RBFOX1: variants seen among roughly 807,000 people sequenced by gnomAD.
RBFOX1 encodes the protein RNA binding protein fox-1 homolog 1.
A neutral mutation model predicts 57.7 loss-of-function variants in RBFOX1; 8 were observed. The ratio of observed to expected loss-of-function variants is 0.14; its 90% CI spans 0.08 to 0.25. RBFOX1 has a LOEUF of 0.25. Ranked by LOEUF, RBFOX1 falls within the 10% of genes least tolerant of loss-of-function variation. RBFOX1 has a pLI of 1.00. For synonymous variants in RBFOX1, 326 were observed against 222.4 expected (o/e 1.47, Z -4.15); for missense variants, 611 against 548.5 (o/e 1.11, Z -1.14).
intron 4 of RBFOX1, among the ~76,000 whole-genome samples, chr16:7,277,674 A>T (rs1401109933): frequency 6.6e-6 from 1 of 152,202 alleles, no homozygotes; most frequent in East Asian, 1.9e-4. Context: ...AGAGAAGTCT[A>T]CCAGGGCGGA....
At position 7,278,846 on chromosome 16, in the gene RBFOX1, G is replaced by T. The variant is rs1004497544; in HGVS notation, c.27+226748G>T. On this transcript the variant is annotated intron_variant, in intron 4 of 15. Coordinates refer to ENST00000550418, the MANE Select transcript of RBFOX1 (RefSeq NM_018723.4). The stretch of plus-strand genomic sequence containing the variant: ...CCAATGAATTATGGAGCTGGGCCAA[G>T]GCTGTCTTGTTCTCAGCCTAAATTT... Among the ~76,000 whole-genome samples the T allele has an allele frequency of 2.0e-5, 3 of 152,180 alleles. No individual in the cohort carries two copies. The East Asian group carries it at 5.8e-4, about 29-fold the overall frequency.
intron 14 of RBFOX1, among the ~76,000 whole-genome samples, chr16:7,680,979 A>G (rs1446698509): frequency 1.3e-5 from 2 of 152,120 alleles, no homozygotes; most frequent in African/African-American, 2.4e-5. Flanking sequence ...GCTTAATGCA[A>G]AGAGACCAGG....
chr16:7,532,703 G>C lies in RBFOX1; in HGVS notation c.270+14314G>C, dbSNP rs182171517. On this transcript the variant is annotated intron_variant, in intron 5 of 15. Transcript: ENST00000550418. ...AGCTCGTGGGCCGATTCCTGCCTGC[G>C]ATGTTTTTGTCAATAAAGTTTTATT... 2.1e-3 allele frequency among the ~76,000 whole-genome samples: 324 copies of C among 152,270 alleles called. 2 individuals are homozygous for C. Among genetic ancestry groups the C allele is most frequent in the African/African-American group, 7.4e-3 (309 of 41,544 alleles).
At chr16:6,918,751 G>C (rs528122731) in intron 3 of RBFOX1, among the ~76,000 whole-genome samples, 4 of 152,244 alleles carry the variant, frequency 2.6e-5, no homozygotes, top group African/African-American at 9.6e-5. Context: ...GCAGTCTCAC[G>C]TTGATATTAT....
intron 4 of RBFOX1, among the ~76,000 whole-genome samples, chr16:7,342,868 G>T (rs2096924673): frequency 6.6e-6 from 1 of 152,152 alleles, no homozygotes; most frequent in African/African-American, 2.4e-5. Context: ...GTCCTCAGAG[G>T]TTGCATCAGG....
intron 2 of RBFOX1, among the ~76,000 whole-genome samples, chr16:5,478,016 G>A (rs2069392356): frequency 6.6e-6 from 1 of 151,956 alleles, no homozygotes; most frequent in Non-Finnish European, 1.5e-5. Flanking sequence ...TTTTGTTTTG[G>A]CAGCTCAGTA....
chr16:5,605,552 A>C (rs1430795274), intron 3 of RBFOX1, among the ~76,000 whole-genome samples: 1 of 152,004 alleles, frequency 6.6e-6, no homozygotes, highest in Non-Finnish European at 1.5e-5. Context: ...GCCATTGATT[A>C]GTAATGTCTG....
chr16:6,292,399 T>A (rs1037562329), intron 1 of RBFOX1, among the ~76,000 whole-genome samples: 5 of 151,674 alleles, frequency 3.3e-5, no homozygotes, highest in Non-Finnish European at 7.4e-5. Flanking sequence ...AAAACCTAAT[T>A]GCATGTGAAT....
chr16:5,761,093 A>C (rs2053575486), intron 3 of RBFOX1, among the ~76,000 whole-genome samples: 1 of 152,214 alleles, frequency 6.6e-6, no homozygotes, highest in Non-Finnish European at 1.5e-5. Flanking sequence ...AGTGAATGCT[A>C]ATGCAAGAGT....
intron 2 of RBFOX1, among the ~76,000 whole-genome samples, chr16:6,579,771 A>G (rs1263054933): frequency 2.0e-5 from 3 of 152,070 alleles, no homozygotes; most frequent in Non-Finnish European, 4.4e-5. Flanking sequence ...TTTTTTGTAG[A>G]GACACGGTCT....
chr16:5,479,102 T>G (rs1420676240), intron 2 of RBFOX1, among the ~76,000 whole-genome samples: 1 of 152,212 alleles, frequency 6.6e-6, no homozygotes, highest in Non-Finnish European at 1.5e-5. Context: ...AGAGACGGCT[T>G]ATTCCATTAC....
intron 3 of RBFOX1, among the ~76,000 whole-genome samples, chr16:5,637,696 A>C (rs1223821685): frequency 6.6e-6 from 1 of 152,180 alleles, no homozygotes; most frequent in Admixed American, 6.5e-5. Context: ...CCAGGGAGGC[A>C]GATGGGGAAG....
At chr16:5,287,517 A>G (rs1157272559) in intron 1 of RBFOX1, among the ~76,000 whole-genome samples, 1 of 152,216 alleles carries the variant, frequency 6.6e-6, no homozygotes, top group Non-Finnish European at 1.5e-5. Flanking sequence ...TTGTCAGAAA[A>G]TGCTGCATAA....
intron 2 of RBFOX1, among the ~76,000 whole-genome samples, chr16:6,622,746 G>C (rs946413625): frequency 3.9e-5 from 6 of 152,134 alleles, no homozygotes; most frequent in Non-Finnish European, 7.4e-5. Flanking sequence ...TTGTATTTTT[G>C]TCTTTATATT....
intron 1 of RBFOX1, among the ~76,000 whole-genome samples, chr16:6,174,448 A>G (rs1207451067): frequency 6.6e-6 from 1 of 152,124 alleles, no homozygotes; most frequent in African/African-American, 2.4e-5. Context: ...TACAAAAGTT[A>G]GCTGGGCATG....
chr16:7,369,210 C>G (rs1056878479), intron 4 of RBFOX1, among the ~76,000 whole-genome samples: 1 of 151,698 alleles, frequency 6.6e-6, no homozygotes, highest in Non-Finnish European at 1.5e-5. Context: ...TCCCCCAGCC[C>G]AATAGTAAAA....
intron 2 of RBFOX1, among the ~76,000 whole-genome samples, chr16:6,591,504 C>T (rs948963702): frequency 1.3e-5 from 2 of 152,054 alleles, no homozygotes; most frequent in African/African-American, 2.4e-5. Context: ...TATACAGAGC[C>T]CTTTCTAAAA....
intron 3 of RBFOX1, among the ~76,000 whole-genome samples, chr16:5,803,209 C>G (rs1266919634): frequency 4.6e-5 from 7 of 152,238 alleles, no homozygotes; most frequent in East Asian, 1.9e-4. Context: ...TTTTCCATAC[C>G]TCAGTACCCC....
intron 4 of RBFOX1, among the ~76,000 whole-genome samples, chr16:5,877,168 C>T (rs1268394383): frequency 6.6e-6 from 1 of 152,206 alleles, no homozygotes; most frequent in Admixed American, 6.5e-5. Flanking sequence ...CCAGGCTAGG[C>T]TTAGCGGTTC....
Sources: allele counts gnomAD v4.1 joint callset (sites outside exome capture counted in the v4.1 genomes callset), GRCh38; gene constraint gnomAD v4.1.1; transcripts MANE v1.5; gene names NCBI Gene and HGNC (gene_info 2026-07-23, HGNC 2026-07-21).